Variants in ZNF385D observed in about 807,000 individuals in gnomAD.
ZNF385D encodes zinc finger protein 659.
Under a neutral mutation model 35.8 loss-of-function variants are expected in ZNF385D, and 15 were observed. The observed-to-expected ratio is 0.42, with a 90% confidence interval of 0.28 to 0.64. The LOEUF is 0.64. ZNF385D is among the 30% of genes least tolerant of loss of function. ZNF385D has a pLI of 0.23. For synonymous variants in ZNF385D, 212 were observed against 186.8 expected (o/e 1.13, Z -1.10); for missense variants, 474 against 494.6 (o/e 0.96, Z 0.39).
intron 3 of ZNF385D, among the ~76,000 whole-genome samples, chr3:22,100,023 G>C (rs1431775539): frequency 1.3e-5 from 2 of 151,548 alleles, no homozygotes; most frequent in Non-Finnish European, 2.9e-5. Flanking sequence ...GTGGGCAAAG[G>C]ATATGAACAG....
rs562858040 is a variant in ZNF385D at position 21,576,703 on chromosome 3, C to T, written c.166-12019G>A. ...ATTCCTTTCCCTGGAACCCAGAGCA[C>T]TCAATACATATTTAAACTTTATTGA... On this transcript the variant is annotated intron_variant, in intron 2 of 7. Transcript: ENST00000281523. Among the ~76,000 whole-genome samples, 9 of 152,150 alleles carry T rather than the reference C, an allele frequency of 5.9e-5. No homozygotes were observed. The South Asian group carries it at 1.5e-3, about 25-fold the overall frequency.
intron 2 of ZNF385D, among the ~76,000 whole-genome samples, chr3:22,364,694 C>A (rs992408155): frequency 6.6e-6 from 1 of 152,062 alleles, no homozygotes; most frequent in African/African-American, 2.4e-5. Flanking sequence ...GGCAGTTCCT[C>A]TAAGTATTAG....
At chr3:22,140,222 T>C (rs1174315165) in intron 3 of ZNF385D, among the ~76,000 whole-genome samples, 6 of 152,204 alleles carry the variant, frequency 3.9e-5, no homozygotes, top group Admixed American at 3.3e-4. Flanking sequence ...GTACATCATC[T>C]ATACAATGAA....
intron 1 of ZNF385D, among the ~76,000 whole-genome samples, chr3:21,704,549 C>T (rs1201800082): frequency 6.6e-6 from 1 of 152,038 alleles, no homozygotes; most frequent in Non-Finnish European, 1.5e-5. Flanking sequence ...CGCTCTGTCA[C>T]CCAGAATGGA....
chr3:21,941,643 G>A (rs953421576), intron 3 of ZNF385D, among the ~76,000 whole-genome samples: 5 of 151,802 alleles, frequency 3.3e-5, no homozygotes, highest in South Asian at 2.1e-4. Context: ...GACCACAGGC[G>A]CCCGCCACCA....
chr3:22,302,876 C>G, intron 2 of ZNF385D, among the ~76,000 whole-genome samples: 1 of 151,840 alleles, frequency 6.6e-6, no homozygotes, highest in South Asian at 2.1e-4. Flanking sequence ...TTTTATTTCT[C>G]TAGCTAAAGA....
intron 3 of ZNF385D, among the ~76,000 whole-genome samples, chr3:21,810,215 G>A (rs768330019): frequency 8.6e-5 from 13 of 152,004 alleles, no homozygotes; most frequent in Non-Finnish European, 1.8e-4. Context: ...GTTTCTTCTA[G>A]GAATTCAAGG....
At chr3:22,021,909 C>G (rs943808156) in intron 3 of ZNF385D, among the ~76,000 whole-genome samples, 8 of 152,022 alleles carry the variant, frequency 5.3e-5, no homozygotes, top group Non-Finnish European at 1.0e-4. Flanking sequence ...CCAGGTGATT[C>G]TAATGTGCAG....
intron 3 of ZNF385D, among the ~76,000 whole-genome samples, chr3:22,126,162 G>A (rs143481077): frequency 0.012 from 1,858 of 151,906 alleles, 18 homozygotes; most frequent in Non-Finnish European, 0.019. Context: ...AGCATCAATC[G>A]AAATGATTAT....
intron 2 of ZNF385D, among the ~76,000 whole-genome samples, chr3:21,592,285 C>G (rs1055619522): frequency 6.6e-6 from 1 of 152,020 alleles, no homozygotes; most frequent in Non-Finnish European, 1.5e-5. Flanking sequence ...GGCTTTTCTT[C>G]CCATCACTTG....
chr3:21,776,206 A>G (rs773637305), intron 3 of ZNF385D, among the ~76,000 whole-genome samples: 7 of 151,898 alleles, frequency 4.6e-5, no homozygotes, highest in Non-Finnish European at 1.0e-4. Flanking sequence ...TCATTGTTAA[A>G]TATAGAATGG....
intron 3 of ZNF385D, among the ~76,000 whole-genome samples, chr3:21,920,834 A>C (rs1162100096): frequency 6.6e-6 from 1 of 152,158 alleles, no homozygotes; most frequent in African/African-American, 2.4e-5. Context: ...ACTGATCTGT[A>C]ACACTGCTTG....
intron 2 of ZNF385D, among the ~76,000 whole-genome samples, chr3:22,354,160 C>T (rs569193665): frequency 2.0e-3 from 301 of 152,130 alleles, no homozygotes; most frequent in African/African-American, 6.3e-3. Context: ...TTTTTTATAT[C>T]GCCTTGGTTT....
At chr3:22,126,307 G>GT (rs1559388467) in intron 3 of ZNF385D, among the ~76,000 whole-genome samples, 2 of 76,450 alleles carry the variant, frequency 2.6e-5, no homozygotes, top group Admixed American at 2.1e-4. Flanking sequence ...GTATTTGAAA[G>GT]TTGTTTTTTT....
chr3:21,703,584 G>A (rs990925233), intron 1 of ZNF385D, among the ~76,000 whole-genome samples: 1 of 151,990 alleles, frequency 6.6e-6, no homozygotes, highest in Non-Finnish European at 1.5e-5. Flanking sequence ...ATTTCTTGCT[G>A]GGTGTGTAAA....
chr3:21,633,924 A>G (rs2065350999), intron 2 of ZNF385D, among the ~76,000 whole-genome samples: 1 of 152,008 alleles, frequency 6.6e-6, no homozygotes, highest in Non-Finnish European at 1.5e-5. Flanking sequence ...GGCTGGGTAC[A>G]GTGGCTCACA....
At chr3:22,309,099 G>C (rs983243475) in intron 2 of ZNF385D, among the ~76,000 whole-genome samples, 1 of 152,014 alleles carries the variant, frequency 6.6e-6, no homozygotes, top group African/African-American at 2.4e-5. Flanking sequence ...AGGGTGCCAA[G>C]ATATTCCACT....
chr3:21,849,213 A>G (rs903384888), intron 3 of ZNF385D, among the ~76,000 whole-genome samples: 1 of 152,104 alleles, frequency 6.6e-6, no homozygotes, highest in African/African-American at 2.4e-5. Context: ...ACATCAAAGT[A>G]AATTTTTTTC....
rs994410239 is a variant in ZNF385D, at chr3:22,193,344, T to C, written c.107-24309A>G. On this transcript the variant is annotated intron_variant, in intron 2 of 5. Coordinates refer to the ZNF385D transcript ENST00000494108. ...TAGTCATTGTTTGTACACATTTTTCTATTACAAAGTGATACAATCATACCA... is the reference window on the plus strand; with the variant it reads ...TAGTCATTGTTTGTACACATTTTTCCATTACAAAGTGATACAATCATACCA... Among the ~76,000 whole-genome samples the C allele has an allele frequency of 3.3e-5, 5 of 152,210 alleles. No individual in the cohort carries two copies. In the East Asian group the frequency reaches 9.6e-4, roughly 29 times the overall value.
Sources: gnomAD v4.1 joint callset for allele counts (sites outside exome capture counted in the v4.1 genomes callset) on GRCh38, gnomAD v4.1.1 for gene constraint, MANE v1.5 for transcripts, NCBI Gene and HGNC (gene_info 2026-07-23, HGNC 2026-07-21) for gene names.